CIC: variants seen among roughly 807,000 people sequenced by gnomAD.
CIC encodes capicua transcriptional repressor.
In CIC, 18 loss-of-function variants were observed where a neutral mutation model predicts 115.7. The ratio of observed to expected loss-of-function variants is 0.16; its 90% CI spans 0.11 to 0.23. CIC has a LOEUF of 0.23. CIC is among the 10% of genes least tolerant of loss of function. CIC has a pLI of 1.00. For missense variants in CIC, 2,000 were observed against 2,159.3 expected (o/e 0.93, Z 1.46); for synonymous variants, 1,076 against 923.0 (o/e 1.17, Z -3.01).
At position 42,289,710 on chromosome 19, in the gene CIC, C is replaced by A. The variant is rs1256564581; in HGVS notation, c.4088-138C>A. 6.1e-6 allele frequency: 5 copies of A among 817,612 alleles called. No individual in the cohort carries two copies. In the African/African-American group the frequency reaches 8.4e-5, roughly 14 times the overall value. The allele number at this position is 817,612 out of a possible 1,614,324, so 50.6% of individuals were successfully genotyped here. On this transcript the variant is annotated intron_variant, in intron 9 of 20. Coordinates refer to ENST00000681038, the MANE Select transcript of CIC (RefSeq NM_001386298.1). Reference sequence around the variant, plus strand: ...GTGGGCACTGGGCATGTGGGCACAGCCCTGGGCTGAGGAGTAGCCTTCCTG... The same window carrying A: ...GTGGGCACTGGGCATGTGGGCACAGACCTGGGCTGAGGAGTAGCCTTCCTG...
intron 3 of CIC, 38 bp from the exon 4 acceptor site, chr19:42,286,968 T>G (rs1568502684): frequency 3.7e-6 from 6 of 1,607,812 alleles, no homozygotes; most frequent in Admixed American, 1.7e-5. Flanking sequence ...GGGGTCCAGG[T>G]GGCCTAGGAG....
chr19:42,294,467 CCTGTGA>C, intron 19 of CIC, 131 bp from the exon 20 acceptor site: 2 of 1,547,370 alleles, frequency 1.3e-6, no homozygotes, highest in African/African-American at 1.4e-5. Context: ...CCTAGGTTGC[CCTGTGA>C]CTGTGGGCAG....
At chr19:42,281,035 A>T (rs1425055886) in intron 2 of CIC, among the ~76,000 whole-genome samples, 14 of 132,604 alleles carry the variant, frequency 1.1e-4, no homozygotes, top group Non-Finnish European at 2.2e-4. Flanking sequence ...ACACTGACTC[A>T]CCCCGGCGCT....
chr19:42,287,184 C>A lies in CIC; in HGVS notation c.3123C>A (p.Ser1041=). 6.2e-7 allele frequency: 1 copy of A among 1,613,462 alleles called. No individual in the cohort carries two copies. The highest frequency in any genetic ancestry group is 1.1e-5 in the South Asian group (1 of 91,070). Residue 1041 remains serine, a synonymous_variant, in exon 4 of 21, where the codon TCC becomes TCA. Transcript: ENST00000681038. This position sits in a 1 kb window ranked among gnomAD's most constrained non-coding sequence, Gnocchi z 8.7. The part of the protein sequence containing the change: ...GPPPTTEEEA[S]GPPGEPRLDS... Reference sequence around the variant, plus strand: ...CTCCCACCACGGAGGAGGAGGCCTCCGGCCCCCCAGGAGAGCCCCGGCTGG... The same window carrying A: ...CTCCCACCACGGAGGAGGAGGCCTCAGGCCCCCCAGGAGAGCCCCGGCTGG...
chr19:42,294,396 G>A (rs974032171), intron 19 of CIC, 92 bp downstream of exon 19: 3 of 1,588,418 alleles, frequency 1.9e-6, no homozygotes, highest in Non-Finnish European at 2.6e-6. Flanking sequence ...GGTAGGGTGG[G>A]TCCATCCAGG....
chr19:42,294,543 A>G (rs2038378209), intron 19 of CIC, 61 bp from the exon 20 acceptor site: 2 of 1,608,278 alleles, frequency 1.2e-6, no homozygotes, highest in Non-Finnish European at 1.7e-6. Flanking sequence ...GGGCACTCAG[A>G]CGGTGGCAGG....
intron 2 of CIC, among the ~76,000 whole-genome samples, chr19:42,281,056 C>T (rs1568493526): frequency 6.6e-6 from 1 of 151,668 alleles, no homozygotes; most frequent in African/African-American, 2.4e-5. Flanking sequence ...ATTTTTAGCC[C>T]CCCATCCTTG....
Position 42,295,143 on chromosome 19 carries a change from G to GGGGGGGCC in CIC, c.7506_7507insGGGGGGCC (p.Pro2503GlyfsTer29). 14 of 1,382,630 alleles carry GGGGGGGCC rather than the reference G, an allele frequency of 1.0e-5. No individual in the cohort carries two copies. Among genetic ancestry groups the GGGGGGGCC allele is most frequent in the Non-Finnish European group, 1.3e-5 (14 of 1,037,728 alleles). The allele number at this position is 1,382,630 out of a possible 1,614,324, so 85.6% of individuals were successfully genotyped here. A position where few individuals can be genotyped will look rare whatever the true frequency, so the allele number is the denominator to read the frequency against. On this transcript the variant is annotated frameshift_variant, in exon 21 of 21. Coordinates refer to ENST00000681038, the MANE Select transcript of CIC (RefSeq NM_001386298.1). LOFTEE classifies it high-confidence loss of function. ...AGCCTGGCTGGGAGGGGGCTCCCCA[G>GGGGGGGCC]CCCTCCCCCCCACCCCCAGGTCCCT...
At chr19:42,284,687 T>TC (rs763542076) in intron 2 of CIC, 6 of 1,538,366 alleles carry the variant, frequency 3.9e-6, no homozygotes, top group South Asian at 1.2e-5. Flanking sequence ...CCCTGCCGGG[T>TC]CCCCCCTGCG....
In CIC at chr19:42,292,006, T is replaced by C. The variant is rs1339507278; in HGVS notation, c.5614-80T>C. ...CTGTGTTCCTTGCTTTTGCTTAGAG[T>C]CCCACTTGAGGTCTTGGTCTTCCCC... On this transcript the variant is annotated intron_variant, in intron 12 of 20. Transcript: ENST00000681038. 7 of 1,597,618 alleles carry C rather than the reference T, an allele frequency of 4.4e-6. No homozygotes were observed. The African/African-American group carries it at 9.4e-5, about 21-fold the overall frequency.
chr19:42,282,132 C>T (rs1484454324), intron 2 of CIC, among the ~76,000 whole-genome samples: 1 of 152,182 alleles, frequency 6.6e-6, no homozygotes, highest in African/African-American at 2.4e-5. Context: ...GAGTCTGGGG[C>T]TGCATAGGAA....
intron 7 of CIC, among the ~76,000 whole-genome samples, chr19:42,288,413 C>T (rs1300302253): frequency 2.0e-5 from 3 of 152,196 alleles, no homozygotes; most frequent in East Asian, 1.9e-4. Flanking sequence ...TCGCAAACAC[C>T]CCTGATGGGC....
In CIC at chr19:42,291,577, G is replaced by A. The variant is rs1179251712; in HGVS notation, c.5445G>A (p.Val1815=). ...TTCCAGCCCAGTCAGTTTCTCCCGT[G>A]CAGGCCCCGCCCCCGGGTGGCTCAG... ...PPPKAQSVSP[V]QAPPPGGSAQ... Residue 1815 remains valine (V), a synonymous_variant, in exon 12 of 21, where the codon GTG becomes GTA. Transcript: ENST00000681038. 1 of 1,613,016 alleles carries A rather than the reference G, an allele frequency of 6.2e-7. No homozygotes were observed. Among genetic ancestry groups the A allele is most frequent in the Non-Finnish European group, 8.5e-7 (1 of 1,179,982 alleles).
At position 42,274,545 on chromosome 19, in the gene CIC, A is replaced by C; in HGVS notation, c.2762A>C (p.Lys921Thr). ...AGCTATACCAGCCACCCTGCCCCCA[A>C]GAAGGAAGTCATCATGGGCCGGCCT... ...PSSYTSHPAP[K>T]KEVIMGRPGT... is the part of the protein sequence containing the mutation. The change falls in exon 2 of 21, where the codon AAG (lysine) becomes ACG (threonine). Residue 921 changes from lysine to threonine, a missense_variant. Lys to Thr is a moderately conservative substitution (Grantham distance 78). Coordinates refer to ENST00000681038, the MANE Select transcript of CIC (RefSeq NM_001386298.1). The C allele has an allele frequency of 5.0e-6, 2 of 398,774 alleles. No individual in the cohort carries two copies. Among genetic ancestry groups the C allele is most frequent in the East Asian group, 7.1e-5 (2 of 28,076 alleles). 24.7% of individuals were successfully genotyped at this position (398,774 alleles called of 1,614,324 possible).
At position 42,273,775 on chromosome 19, in the gene CIC, C is replaced by T. The variant is rs1334365380; in HGVS notation, c.1992C>T (p.Ser664=). 5 of 398,664 alleles carry T rather than the reference C, an allele frequency of 1.3e-5. No homozygotes were observed. Among genetic ancestry groups the T allele is most frequent in the Middle Eastern group, 6.2e-4 (1 of 1,610 alleles). The allele number at this position is 398,664 out of a possible 1,614,324, so 24.7% of individuals were successfully genotyped here. ...QRTAVRSRHL[S]ASTPKAGVLT... ...CTGCAGTCCGCAGTCGCCACCTGAG[C>T]GCCAGCACCCCTAAGGCAGGCGTGC... The change falls in exon 2 of 21, where the codon AGC becomes AGT. Residue 664 remains serine (S), a synonymous_variant. Transcript: ENST00000681038.
intron 2 of CIC, among the ~76,000 whole-genome samples, chr19:42,282,817 C>T (rs1477283311): frequency 6.6e-6 from 1 of 151,796 alleles, no homozygotes; most frequent in Admixed American, 6.6e-5. Flanking sequence ...TACATACAAG[C>T]TCCCAGCACA....
At position 42,290,986 on chromosome 19, in the gene CIC, C is replaced by G; in HGVS notation, c.4945C>G (p.Pro1649Ala). 6.2e-7 allele frequency: 1 copy of G among 1,613,840 alleles called. No homozygotes were observed. Among genetic ancestry groups the G allele is most frequent in the Non-Finnish European group, 8.5e-7 (1 of 1,180,022 alleles). Residue 1649 changes from proline (P) to alanine (A), a missense_variant, in exon 11 of 21, where the codon CCA (proline) becomes GCA (alanine). Coordinates refer to ENST00000681038, the MANE Select transcript of CIC (RefSeq NM_001386298.1). The stretch of plus-strand genomic sequence containing the variant: ...CAAGAAGTCGGCAGCAGCCACCTCA[C>G]CAGCCCCACACTTGGTGGCTGGACC... ...SDKKSAAATS[P>A]APHLVAGPLL...
At position 42,291,156 on chromosome 19, in the gene CIC, A is replaced by T. The variant is rs368493951; in HGVS notation, c.5115A>T (p.Ala1705=). 1 of 1,607,630 alleles carries T rather than the reference A, an allele frequency of 6.2e-7. No individual in the cohort carries two copies. Among genetic ancestry groups the T allele is most frequent in the Non-Finnish European group, 8.5e-7 (1 of 1,176,120 alleles). ...PGGGTTAGSG[A]GAGSGPNGPV... The stretch of plus-strand genomic sequence containing the variant: ...GTGGGACCACTGCGGGCTCAGGAGC[A>T]GGTGCTGGGAGTGGCCCCAATGGGC... The change falls in exon 11 of 21, where the codon GCA becomes GCT. Residue 1705 remains alanine (A), a synonymous_variant. Transcript: ENST00000681038.
intron 18 of CIC, 37 bp from the exon 19 acceptor site, chr19:42,294,134 CTG>C (rs1202667680): frequency 1.2e-6 from 2 of 1,613,732 alleles, no homozygotes; most frequent in African/African-American, 1.3e-5. Context: ...GGAGGGCAGA[CTG>C]GGGCCACCTG....
Sources: allele counts gnomAD v4.1 joint callset (sites outside exome capture counted in the v4.1 genomes callset), GRCh38; gene constraint gnomAD v4.1.1; non-coding constraint Gnocchi (gnomAD v3.1); transcripts MANE v1.5; gene names NCBI Gene and HGNC (gene_info 2026-07-23, HGNC 2026-07-21).